Variants in C11orf65 observed in about 807,000 individuals in gnomAD.
The protein encoded by C11orf65 is protein MFI.
A neutral mutation model predicts 35.3 loss-of-function variants in C11orf65; 38 were observed. The ratio of observed to expected loss-of-function variants is 1.08; its 90% CI spans 0.83 to 1.41. C11orf65 has a LOEUF of 1.41. Ranked by LOEUF, C11orf65 falls within the 40% of genes most tolerant of loss-of-function variation. C11orf65 has a pLI of 0.00. For synonymous variants in C11orf65, 105 were observed against 114.4 expected (o/e 0.92, Z 0.53); for missense variants, 370 against 367.1 (o/e 1.01, Z -0.06).
At chr11:108,444,373 G>A (rs991127937) in intron 2 of C11orf65, among the ~76,000 whole-genome samples, 7 of 152,000 alleles carry the variant, frequency 4.6e-5, no homozygotes, top group Admixed American at 4.6e-4. Context: ...ATTCACAGCC[G>A]AATTCTACCA....
At chr11:108,374,610 A>T (rs1367821844) in intron 2 of C11orf65, among the ~76,000 whole-genome samples, 2 of 152,258 alleles carry the variant, frequency 1.3e-5, no homozygotes, top group African/African-American at 4.8e-5. Flanking sequence ...GCAGTTCCTT[A>T]CCAGCAATGG....
chr11:108,408,674 T>TAAATAAAATA lies in C11orf65; in HGVS notation c.175-1535_175-1526dup, dbSNP rs74198402. 3.2e-3 allele frequency among the ~76,000 whole-genome samples: 239 copies of TAAATAAAATA among 74,550 alleles called. 7 individuals are homozygous for TAAATAAAATA. Among genetic ancestry groups the TAAATAAAATA allele is most frequent in the Middle Eastern group, 0.014 (3 of 216 alleles). 48.9% of individuals were successfully genotyped at this position (74,550 alleles called of 152,430 possible). On this transcript the variant is annotated intron_variant, in intron 3 of 8. Transcript: ENST00000393084. ...CTGGGCAACAGAGACTCTGTCTCAA[T>TAAATAAAATA]AAATAAAATAAAATAAAATAAAATA...
intron 3 of C11orf65, among the ~76,000 whole-genome samples, chr11:108,409,050 G>C (rs1258978728): frequency 6.6e-6 from 1 of 152,102 alleles, no homozygotes; most frequent in Non-Finnish European, 1.5e-5. Flanking sequence ...AAGGTGGACA[G>C]ATCTTAAGTG....
intron 2 of C11orf65, among the ~76,000 whole-genome samples, chr11:108,362,654 A>ATGGAT (rs2090911520): frequency 6.7e-6 from 1 of 149,906 alleles, no homozygotes; most frequent in Admixed American, 6.7e-5. Context: ...TTGTAGGGAC[A>ATGGAT]TGGATGAAAT....
At chr11:108,447,978 A>T (rs2093288771) in intron 2 of C11orf65, among the ~76,000 whole-genome samples, 1 of 152,204 alleles carries the variant, frequency 6.6e-6, no homozygotes, top group Non-Finnish European at 1.5e-5. Flanking sequence ...CAGAAATACA[A>T]ACTACCATCA....
chr11:108,429,584 T>C (rs1187989922), intron 3 of C11orf65, among the ~76,000 whole-genome samples: 1 of 152,210 alleles, frequency 6.6e-6, no homozygotes, highest in Non-Finnish European at 1.5e-5. Context: ...ACAGTATGGT[T>C]GTTCCTAAAA....
intron 3 of C11orf65, 108 bp downstream of exon 3, chr11:108,431,638 T>C (rs1256653574): frequency 7.1e-6 from 4 of 563,460 alleles, no homozygotes; most frequent in Non-Finnish European, 1.2e-5. Context: ...AATACTTTAA[T>C]AAAAACAGTT....
At chr11:108,356,528 CTCTG>C (rs1264563977) in intron 2 of C11orf65, among the ~76,000 whole-genome samples, 19 of 139,586 alleles carry the variant, frequency 1.4e-4, no homozygotes, top group East Asian at 2.3e-4. Flanking sequence ...AAGAGCAAGA[CTCTG>C]TCTGTCTTAA....
chr11:108,403,416 T>TTTC (rs1210741362), intron 6 of C11orf65, among the ~76,000 whole-genome samples: 1 of 145,496 alleles, frequency 6.9e-6, no homozygotes, highest in African/African-American at 2.6e-5. Context: ...GAGGTTTTTT[T>TTTC]TTTGTTTTTT....
downstream of C11orf65, among the ~76,000 whole-genome samples, chr11:108,329,527 CCT>C (rs537961944): frequency 1.4e-4 from 22 of 152,186 alleles, no homozygotes; most frequent in Admixed American, 2.6e-4. Context: ...TGATTCTCCC[CCT>C]GAGCCCCCGA....
chr11:108,383,171 G>T lies in C11orf65; in HGVS notation c.792C>A (p.Phe264Leu). Residue 264 changes from phenylalanine to leucine, a missense_variant, in exon 9 of 9, where the codon TTC becomes TTA. Transcript: ENST00000393084. ...TSNSSANFKG[F>L]RFNQAQKNIY... is the part of the protein sequence containing the mutation. ...TGTTTTTCTGTGCTTGATTAAACCT[G>T]AATCCTAAAGAGAAGTGACAAATGA... 1 of 1,580,316 alleles carries T rather than the reference G, an allele frequency of 6.3e-7. No individual in the cohort carries two copies. Among genetic ancestry groups the T allele is most frequent in the Non-Finnish European group, 8.6e-7 (1 of 1,167,508 alleles).
In C11orf65 at chr11:108,365,183, G is replaced by A. The variant is rs2137884197; in HGVS notation, c.226+28025C>T. 6.2e-7 allele frequency: 1 copy of A among 1,614,188 alleles called. No individual in the cohort carries two copies. The highest frequency in any genetic ancestry group is 2.2e-5 in the East Asian group (1 of 44,886). On this transcript the variant is annotated intron_variant, in intron 2 of 3. Transcript: ENST00000524755. Reference sequence around the variant, plus strand: ...ATGAAACTGAGCTTCACCCTACTCTGAATGCAGATGACCAAGAATGCAAAC... The same window carrying A: ...ATGAAACTGAGCTTCACCCTACTCTAAATGCAGATGACCAAGAATGCAAAC...
intron 2 of C11orf65, chr11:108,368,501 G>A (rs981822562): frequency 1.9e-5 from 4 of 215,344 alleles, no homozygotes; most frequent in Non-Finnish European, 3.7e-5. Context: ...CACTGCTGGA[G>A]AAATCAGAAT....
intron 3 of C11orf65, among the ~76,000 whole-genome samples, chr11:108,423,402 G>T (rs2092850077): frequency 6.6e-6 from 1 of 152,204 alleles, no homozygotes; most frequent in African/African-American, 2.4e-5. Context: ...TGGGGGGAGG[G>T]ACATCTGCAA....
At chr11:108,330,465 CTT>C (rs3092832), downstream of C11orf65, 1,580 of 1,592,908 alleles carry the variant, frequency 9.9e-4, no homozygotes, top group Non-Finnish European at 1.3e-3. Flanking sequence ...GCTTGAAAAA[CTT>C]AGACATAAGC....
chr11:108,456,252 C>T (rs1017861465), intron 2 of C11orf65, among the ~76,000 whole-genome samples: 5 of 152,020 alleles, frequency 3.3e-5, no homozygotes, highest in African/African-American at 1.2e-4. Flanking sequence ...ACAATGGCAC[C>T]ACAGCAATTC....
At position 108,311,951 on chromosome 11, in the gene C11orf65, G is replaced by C. The variant is rs2084198391; in HGVS notation, c.641-2880C>G. Among the ~76,000 whole-genome samples, 3 of 152,054 alleles carry C rather than the reference G, an allele frequency of 2.0e-5. No homozygotes were observed. In the South Asian group the frequency reaches 6.2e-4, roughly 32 times the overall value. ...TCAAACTTTCTAGTTTTATAGTCTTGGTTTAAGTGGATCCTACTGATCTAC... is the reference window on the plus strand; with the variant it reads ...TCAAACTTTCTAGTTTTATAGTCTTCGTTTAAGTGGATCCTACTGATCTAC... On this transcript the variant is annotated intron_variant, in intron 6 of 6. Coordinates refer to the C11orf65 transcript ENST00000525729.
chr11:108,432,776 T>C lies in C11orf65; in HGVS notation c.82-938A>G, dbSNP rs77882631. ...TAGTATTCTTTCTGAAAGGAGGATATAATTTTCCCCAAATAAAACTCCAAA... is the reference window on the plus strand; with the variant it reads ...TAGTATTCTTTCTGAAAGGAGGATACAATTTTCCCCAAATAAAACTCCAAA... On this transcript the variant is annotated intron_variant, in intron 2 of 8. Coordinates refer to ENST00000393084, the MANE Select transcript of C11orf65 (RefSeq NM_152587.5). Among the ~76,000 whole-genome samples, 841 of 152,306 alleles carry C rather than the reference T, an allele frequency of 5.5e-3. 9 individuals carry two copies. Among genetic ancestry groups the C allele is most frequent in the African/African-American group, 0.019 (792 of 41,574 alleles).
At chr11:108,342,798 A>G (rs749870749) in intron 2 of C11orf65, among the ~76,000 whole-genome samples, 1 of 152,226 alleles carries the variant, frequency 6.6e-6, no homozygotes, top group Admixed American at 6.5e-5. Flanking sequence ...AATTTCAATA[A>G]TGAAGTTACA....
Sources: allele counts gnomAD v4.1 joint callset (sites outside exome capture counted in the v4.1 genomes callset), GRCh38; gene constraint gnomAD v4.1.1; transcripts MANE v1.5; gene names NCBI Gene and HGNC (gene_info 2026-07-23, HGNC 2026-07-21).